The following A2M variants were observed in gnomAD, a reference collection of about 807,000 sequenced individuals.
The protein encoded by A2M is C3 and PZP-like alpha-2-macroglobulin domain-containing protein 5.
Under a neutral mutation model 183.9 loss-of-function variants are expected in A2M, and 128 were observed. That is an observed-to-expected ratio of 0.70 (90% CI 0.60 to 0.81). A2M has a LOEUF of 0.81. Among genes scored for constraint, A2M ranks in the 30% least tolerant of loss-of-function variants. The probability of loss-of-function intolerance (pLI) is 0.00; values close to 1 mark genes in which losing one functional copy is unlikely to be tolerated. For missense variants in A2M, 1,495 were observed against 1,787.6 expected, an observed-to-expected ratio of 0.84 and a Z score of 2.95; for synonymous variants, 592 against 670.8, an observed-to-expected ratio of 0.88 and a Z score of 1.81.
intron 7 of A2M, among the ~76,000 whole-genome samples, chr12:9,109,014 C>T (rs1005039022): frequency 1.0e-4 from 15 of 143,114 alleles, no homozygotes; most frequent in Admixed American, 9.9e-4. Context: ...TACCCTTCAA[C>T]ACTATCCACC....
upstream of A2M, chr12:9,116,228 A>G (rs906167266): frequency 5.2e-5 from 15 of 290,414 alleles, no homozygotes; most frequent in Admixed American, 8.7e-5. Flanking sequence ...CATCTCTTGT[A>G]TGAATAGCTG....
chr12:9,098,826 A>C (rs1949466731), intron 14 of A2M, 70 bp from the exon 15 acceptor site: 5 of 1,541,202 alleles, frequency 3.2e-6, no homozygotes. Flanking sequence ...TCGCATTTGC[A>C]GAGTGTTCCT....
chr12:9,111,926 AGTAAAT>A, intron 4 of A2M: 1 of 663,756 alleles, frequency 1.5e-6, no homozygotes, highest in South Asian at 1.5e-5. Context: ...CCATCCGAAA[AGTAAAT>A]TTAATTGTGT....
intron 7 of A2M, among the ~76,000 whole-genome samples, chr12:9,108,220 G>T (rs2137941152): frequency 6.6e-6 from 1 of 152,204 alleles, no homozygotes; most frequent in African/African-American, 2.4e-5. Flanking sequence ...CCACCTCCTG[G>T]GTTCATGCCA....
chr12:9,072,304 G>T, intron 31 of A2M, 55 bp downstream of exon 31: 7 of 1,591,602 alleles, frequency 4.4e-6, no homozygotes, highest in East Asian at 2.2e-5. Context: ...AGGAGTTCCC[G>T]AAAGAAGACT....
At chr12:9,116,037 A>G (rs576073841), upstream of A2M, 4 of 636,960 alleles carry the variant, frequency 6.3e-6, no homozygotes, top group South Asian at 4.7e-5. Flanking sequence ...AAGGTCATTG[A>G]TGGCCTATTT....
At chr12:9,075,054 A>G (rs1247537784) in intron 28 of A2M, among the ~76,000 whole-genome samples, 2 of 152,220 alleles carry the variant, frequency 1.3e-5, no homozygotes, top group Non-Finnish European at 2.9e-5. Context: ...ATGGCACAGC[A>G]GTTGTCTCAT....
In A2M at chr12:9,093,549, C is replaced by T. The variant is rs745894309; in HGVS notation, c.2156G>A (p.Arg719His). 22 of 1,608,374 alleles carry T rather than the reference C, an allele frequency of 1.4e-5. No homozygotes were observed. The highest frequency in any genetic ancestry group is 5.1e-5 in the Admixed American group (3 of 59,328). ...GTGAGGCTCTTCAACATGCACCAGG[C>T]GTGCATGGCCTCTTCCCATTACATC... Reference protein sequence around the residue: ...ESDVMGRGHARLVHVEEPHTE... With the variant: ...ESDVMGRGHAHLVHVEEPHTE... Residue 719 changes from arginine (R) to histidine (H), a missense_variant, in exon 18 of 36, where the codon CGC (arginine) becomes CAC (histidine). Arg to His is a conservative substitution (Grantham distance 29). Coordinates refer to ENST00000318602, the MANE Select transcript of A2M (RefSeq NM_000014.6).
intron 4 of A2M, among the ~76,000 whole-genome samples, chr12:9,110,897 A>C (rs947146793): frequency 1.3e-5 from 2 of 152,172 alleles, no homozygotes; most frequent in East Asian, 3.8e-4. Context: ...AGTGCCATTT[A>C]CTAAAAATGG....
chr12:9,088,300 C>T (rs910196122), intron 22 of A2M, among the ~76,000 whole-genome samples: 1 of 151,358 alleles, frequency 6.6e-6, no homozygotes, highest in African/African-American at 2.4e-5. Context: ...ATTAGGTAGG[C>T]ACATTTGATT....
intron 34 of A2M, among the ~76,000 whole-genome samples, chr12:9,068,452 G>A (rs1948461096): frequency 6.6e-6 from 1 of 152,080 alleles, no homozygotes; most frequent in South Asian, 2.1e-4. Context: ...GGACTCTTCA[G>A]ATGTTCTACT....
chr12:9,109,774 G>T, intron 6 of A2M, 93 bp downstream of exon 6: 1 of 1,276,560 alleles, frequency 7.8e-7, no homozygotes, highest in Non-Finnish European at 1.1e-6. Flanking sequence ...TCACCCATGG[G>T]AAATGGAAAG....
chr12:9,101,880 T>G (rs1264183107), intron 11 of A2M, among the ~76,000 whole-genome samples: 3 of 152,154 alleles, frequency 2.0e-5, no homozygotes, highest in African/African-American at 7.2e-5. Flanking sequence ...CAGAGCCTCC[T>G]GGGATTGAGA....
chr12:9,106,751 A>G (rs185842160), intron 8 of A2M, 146 bp from the exon 9 acceptor site: 3 of 469,808 alleles, frequency 6.4e-6, no homozygotes, highest in African/African-American at 5.9e-5. Context: ...TTCTCTAGCA[A>G]CTAAATATTA....
intron 22 of A2M, among the ~76,000 whole-genome samples, chr12:9,080,961 G>A (rs74343641): frequency 0.02 from 3,099 of 152,134 alleles, 115 homozygotes; most frequent in African/African-American, 0.071. Context: ...TGCTACTGAT[G>A]AACATACATT....
chr12:9,111,625 G>C, intron 4 of A2M: 1 of 426,456 alleles, frequency 2.3e-6, no homozygotes, highest in Non-Finnish European at 4.6e-6. Flanking sequence ...TAGAAGAGAA[G>C]AGTTGCCTCT....
chr12:9,093,342 T>C, intron 18 of A2M, 123 bp downstream of exon 18: 1 of 667,020 alleles, frequency 1.5e-6, no homozygotes, highest in Non-Finnish European at 2.7e-6. Flanking sequence ...TATATATATA[T>C]ATCAAAACAT....
intron 26 of A2M, 114 bp downstream of exon 26, chr12:9,077,587 A>G: frequency 6.6e-7 from 1 of 1,523,658 alleles, no homozygotes; most frequent in African/African-American, 1.4e-5. Flanking sequence ...GGTGCCATCC[A>G]GGTTTTATTT....
intron 9 of A2M, 27 bp downstream of exon 9, chr12:9,106,464 T>C (rs1279998703): frequency 7.4e-6 from 11 of 1,492,978 alleles, no homozygotes; most frequent in African/African-American, 1.4e-5. Context: ...TGTTGTGTTT[T>C]CTCTTATACC....
Sources: allele counts gnomAD v4.1 joint callset (sites outside exome capture counted in the v4.1 genomes callset), GRCh38; gene constraint gnomAD v4.1.1; transcripts MANE v1.5; gene names NCBI Gene and HGNC (gene_info 2026-07-23, HGNC 2026-07-21).